The following FBN3 variants were observed in gnomAD, a reference collection of about 807,000 sequenced individuals.
FBN3 encodes fibrillin 3, also known as fibrillin-3.
FBN3 carries 234 observed loss-of-function variants against 330.1 expected under a neutral mutation model. The observed-to-expected ratio is 0.71, with a 90% CI of 0.64 to 0.79. The LOEUF is 0.79. Among genes scored for constraint, FBN3 ranks in the 30% least tolerant of loss-of-function variants. The pLI is 0.00. For missense variants in FBN3, 3,606 were observed against 3,886.9 expected (o/e 0.93, Z 1.92); for synonymous variants, 1,458 against 1,517.3 (o/e 0.96, Z 0.91).
chr19:8,072,180 C>A lies in FBN3; in HGVS notation c.7956G>T (p.Leu2652=). The A allele has an allele frequency of 6.4e-7, 1 of 1,561,848 alleles. No homozygotes were observed. Among genetic ancestry groups the A allele is most frequent in the Non-Finnish European group, 8.7e-7 (1 of 1,155,454 alleles). The part of the protein sequence containing the change: ...RAGQGHCVSG[L]GFSPGPQDTP... ...TGTCCTGGGGTCCGGGGCTGAAGCC[C>A]AGGCCGGAGACACAGTGCCTGGGCC... The change falls in exon 63 of 64, where the codon CTG becomes CTT. Residue 2652 remains leucine (L), a synonymous_variant. Transcript: ENST00000600128.
chr19:8,135,860 G>C, intron 13 of FBN3, 101 bp downstream of exon 13: 1 of 1,334,344 alleles, frequency 7.5e-7, no homozygotes, highest in South Asian at 1.3e-5. Context: ...ACGTCGTAGG[G>C]AGGGAGGTGG....
rs2083562021 is a variant in FBN3, at chr19:8,147,044, A to G, written c.250+60T>C. The stretch of plus-strand genomic sequence containing the variant: ...CCCGTGTAAACAGAGCTGAACCTGC[A>G]GGCAGGTAAGAGTGTCCCCGGCCTG... On this transcript the variant is annotated intron_variant, in intron 3 of 63. Transcript: ENST00000600128. The G allele has an allele frequency of 7.7e-6, 11 of 1,425,504 alleles. No individual in the cohort carries two copies. The East Asian group carries it at 2.7e-4, about 35-fold the overall frequency. The allele number at this position is 1,425,504 out of a possible 1,614,324, so 88.3% of individuals were successfully genotyped here. A position where few individuals can be genotyped will look rare whatever the true frequency, so the allele number is the denominator to read the frequency against.
At chr19:8,106,991 G>T (rs2041387227) in intron 37 of FBN3, among the ~76,000 whole-genome samples, 2 of 151,380 alleles carry the variant, frequency 1.3e-5, no homozygotes, top group Non-Finnish European at 2.9e-5. Context: ...TAATGGATGG[G>T]TGAATGCGGG....
In FBN3 at chr19:8,085,423, C is replaced by G; in HGVS notation, c.7027G>C (p.Gly2343Arg). 1 of 1,576,738 alleles carries G rather than the reference C, an allele frequency of 6.3e-7. No individual in the cohort carries two copies. The highest frequency in any genetic ancestry group is 8.6e-7 in the Non-Finnish European group (1 of 1,163,586). The change falls in exon 56 of 64, where the codon GGC (glycine) becomes CGC (arginine). Residue 2343 changes from glycine to arginine, a missense_variant. Transcript: ENST00000600128. The part of the protein sequence containing the change: ...GPRCELCPLP[G>R]TSAYRKLCPH... The stretch of plus-strand genomic sequence containing the variant: ...CACAGCTTCCTGTAGGCAGAGGTGC[C>G]GGGCAGGGGACAGAGCTCGCAGCGG...
chr19:8,105,097 G>A (rs2144783740), intron 38 of FBN3, among the ~76,000 whole-genome samples: 1 of 151,780 alleles, frequency 6.6e-6, no homozygotes, highest in South Asian at 2.1e-4. Context: ...TGGGACTATA[G>A]GCATGTGTCA....
intron 28 of FBN3, 52 bp from the exon 29 acceptor site, chr19:8,116,851 C>A: frequency 6.3e-7 from 1 of 1,580,710 alleles, no homozygotes; most frequent in Non-Finnish European, 8.6e-7. Context: ...ATAGACCACC[C>A]AGTACACATC....
In FBN3 at chr19:8,102,705, G is replaced by T. The variant is rs766519405; in HGVS notation, c.5089+19C>A. 6 of 1,605,844 alleles carry T rather than the reference G, an allele frequency of 3.7e-6. No individual in the cohort carries two copies. The Admixed American group carries it at 8.3e-5, about 22-fold the overall frequency. On this transcript the variant is annotated intron_variant, in intron 40 of 63. Transcript: ENST00000600128. Reference sequence around the variant, plus strand: ...TAGGAGGGGCCAGGCTGGGAAGAAGGTTGGGGAGGGTTACTCACGACTGAT... The same window carrying T: ...TAGGAGGGGCCAGGCTGGGAAGAAGTTTGGGGAGGGTTACTCACGACTGAT...
rs371312277 is a variant in FBN3 at position 8,131,209 on chromosome 19, G to C, written c.2044+26C>G. Reference sequence around the variant, plus strand: ...ATCTGGTAGGGGCAGGCTGGCTGCTGTTTGGAGGGGCTGGGCTCCACTTAC... The same window carrying C: ...ATCTGGTAGGGGCAGGCTGGCTGCTCTTTGGAGGGGCTGGGCTCCACTTAC... On this transcript the variant is annotated intron_variant, in intron 16 of 63. Coordinates refer to ENST00000600128, the MANE Select transcript of FBN3 (RefSeq NM_032447.5). The surrounding 1 kb of genome is among the most constrained non-coding windows in gnomAD (Gnocchi z 4.5). The C allele has an allele frequency of 4.4e-6, 7 of 1,600,562 alleles. No homozygotes were observed. The African/African-American group carries it at 8.0e-5, about 18-fold the overall frequency.
At chr19:8,067,954 C>T (rs2081427733) in intron 63 of FBN3, among the ~76,000 whole-genome samples, 1 of 152,016 alleles carries the variant, frequency 6.6e-6, no homozygotes, top group Admixed American at 6.6e-5. Context: ...GTCCCAGCTA[C>T]TAGGGAGGCT....
At chr19:8,104,993 T>A (rs1233703935) in intron 38 of FBN3, among the ~76,000 whole-genome samples, 1 of 151,908 alleles carries the variant, frequency 6.6e-6, no homozygotes, top group African/African-American at 2.4e-5. Context: ...CTCACTCTGT[T>A]GCCCAGGCTA....
chr19:8,095,986 C>A lies in FBN3; in HGVS notation c.5634G>T (p.Val1878=). The stretch of plus-strand genomic sequence containing the variant: ...CACCCACACAATCCCCATTGTGTGT[C>A]ACCACAAAGCCAGGGAAGCAGAGGC... ...YNCLCFPGFV[V]THNGDCVDFD... is the part of the protein sequence containing the mutation. The change falls in exon 45 of 64, where the codon GTG becomes GTT. Residue 1878 remains valine, a synonymous_variant. Coordinates refer to ENST00000600128, the MANE Select transcript of FBN3 (RefSeq NM_032447.5). The A allele has an allele frequency of 6.2e-7, 1 of 1,613,326 alleles. No homozygotes were observed. Among genetic ancestry groups the A allele is most frequent in the South Asian group, 1.1e-5 (1 of 91,052 alleles).
rs768399745 is a variant in FBN3, at chr19:8,096,544, C to A, written c.5439G>T (p.Pro1813=). 2 of 1,613,082 alleles carry A rather than the reference C, an allele frequency of 1.2e-6. No homozygotes were observed. The highest frequency in any genetic ancestry group is 2.2e-5 in the South Asian group (2 of 91,012). The part of the protein sequence containing the change: ...CVGRNECREI[P]NVCSHGDCMD... ...TGCAGTCACCATGGCTACAGACATT[C>A]GGGATCTCCCGACACTCATTCCGTC... Residue 1813 remains proline, a synonymous_variant, in exon 44 of 64, where the codon CCG becomes CCT. Coordinates refer to ENST00000600128, the MANE Select transcript of FBN3 (RefSeq NM_032447.5). The surrounding 1 kb of genome is among the most constrained non-coding windows in gnomAD (Gnocchi z 4.6).
chr19:8,135,936 G>GGGGGGGGGGGGGGGGCCCCC, intron 13 of FBN3, 25 bp downstream of exon 13: 36 of 668,712 alleles, frequency 5.4e-5, no homozygotes, highest in Middle Eastern at 4.8e-4. Context: ...GGAAGCCCCT[G>GGGGGGGGGGGGGGGGCCCCC]CCCACCCGCC....
At chr19:8,094,356 A>T in intron 47 of FBN3, 90 bp downstream of exon 47, 1 of 1,409,344 alleles carries the variant, frequency 7.1e-7, no homozygotes. Flanking sequence ...CTCCACCTTC[A>T]TCACAACCCT....
rs1452818823 is a variant in FBN3 at position 8,114,842 on chromosome 19, C to T, written c.3838+673G>A. On this transcript the variant is annotated intron_variant, in intron 30 of 63. Coordinates refer to ENST00000600128, the MANE Select transcript of FBN3 (RefSeq NM_032447.5). ...CTGCAAGCTTCGCCTCCTGGGTTCACGCCATTCTCCTGCCTCAGCCTCCTG... is the reference window on the plus strand; with the variant it reads ...CTGCAAGCTTCGCCTCCTGGGTTCATGCCATTCTCCTGCCTCAGCCTCCTG... Among the ~76,000 whole-genome samples the T allele has an allele frequency of 3.3e-5, 5 of 151,738 alleles. No individual in the cohort carries two copies. The East Asian group carries it at 7.8e-4, about 24-fold the overall frequency.
At chr19:8,134,443 T>C (rs1464837321) in intron 13 of FBN3, among the ~76,000 whole-genome samples, 2 of 152,162 alleles carry the variant, frequency 1.3e-5, no homozygotes, top group African/African-American at 4.8e-5. Context: ...CCAGGTATGC[T>C]GGCTCATGCC....
chr19:8,115,725 C>T (rs948789144), intron 29 of FBN3, 85 bp from the exon 30 acceptor site: 1 of 1,503,736 alleles, frequency 6.7e-7, no homozygotes, highest in African/African-American at 1.4e-5. Flanking sequence ...GGGAGATCAC[C>T]AGCATTCCTG....
chr19:8,066,735 T>G (rs2081400126), intron 63 of FBN3, among the ~76,000 whole-genome samples: 1 of 151,550 alleles, frequency 6.6e-6, no homozygotes, highest in Non-Finnish European at 1.5e-5. Flanking sequence ...AAAAATTAGC[T>G]GGGCGTGGTG....
intron 36 of FBN3, among the ~76,000 whole-genome samples, chr19:8,108,952 A>T (rs907407050): frequency 3.3e-5 from 5 of 152,180 alleles, no homozygotes; most frequent in Non-Finnish European, 7.4e-5. Flanking sequence ...TCCCCAGCAC[A>T]TGACACAGAG....
Sources: gnomAD v4.1 joint callset for allele counts (sites outside exome capture counted in the v4.1 genomes callset) on GRCh38, gnomAD v4.1.1 for gene constraint, Gnocchi (gnomAD v3.1) non-coding constraint, MANE v1.5 for transcripts, NCBI Gene and HGNC (gene_info 2026-07-23, HGNC 2026-07-21) for gene names.